The following HMGB1 variants were observed in gnomAD, a reference collection of about 807,000 sequenced individuals.
The protein encoded by HMGB1 is high mobility group protein B1.
For synonymous variants in HMGB1, 81 were observed against 84.0 expected, an observed-to-expected ratio of 0.96 and a Z score of 0.19; for missense variants, 79 against 253.5, an observed-to-expected ratio of 0.31 and a Z score of 4.67.
intron 1 of HMGB1, among the ~76,000 whole-genome samples, chr13:30,583,110 T>C (rs1870977322): frequency 6.6e-6 from 1 of 151,934 alleles, no homozygotes. Context: ...CAAGGGATCC[T>C]CCCACCTCAA....
chr13:30,497,360 G>A (rs1887631540), intron 1 of HMGB1, among the ~76,000 whole-genome samples: 1 of 151,916 alleles, frequency 6.6e-6, no homozygotes, highest in South Asian at 2.1e-4. Context: ...CCGAGTAGCT[G>A]GGATTACAGG....
chr13:30,464,084 G>A (rs55832802), intron 1 of HMGB1: 1 of 985,202 alleles, frequency 1.0e-6, no homozygotes, highest in Non-Finnish European at 1.2e-6. Flanking sequence ...TCGTGGCTTT[G>A]CACTAGATAG....
chr13:30,605,650 CAGA>C (rs1330632811), intron 1 of HMGB1, among the ~76,000 whole-genome samples: 8 of 152,274 alleles, frequency 5.3e-5, no homozygotes, highest in East Asian at 1.9e-4. Flanking sequence ...GAGAGAACAG[CAGA>C]AGAAGGGTAG....
intron 1 of HMGB1, among the ~76,000 whole-genome samples, chr13:30,560,460 T>A (rs1045877496): frequency 6.6e-6 from 1 of 152,214 alleles, no homozygotes; most frequent in Non-Finnish European, 1.5e-5. Flanking sequence ...TACCCCATTA[T>A]AAGCTACTCT....
chr13:30,571,255 T>C (rs925620333), intron 1 of HMGB1, among the ~76,000 whole-genome samples: 2 of 151,600 alleles, frequency 1.3e-5, no homozygotes, highest in Non-Finnish European at 2.9e-5. Flanking sequence ...GTAATATGAG[T>C]GTGAGAAAGT....
At chr13:30,572,573 A>T (rs1870480790) in intron 1 of HMGB1, among the ~76,000 whole-genome samples, 1 of 152,214 alleles carries the variant, frequency 6.6e-6, no homozygotes. Flanking sequence ...ACTTCTTAAG[A>T]CATTTTTCTA....
intron 1 of HMGB1, among the ~76,000 whole-genome samples, chr13:30,567,623 T>G (rs1264141579): frequency 1.3e-5 from 2 of 152,230 alleles, no homozygotes; most frequent in Non-Finnish European, 2.9e-5. Flanking sequence ...GTGCTGGGAT[T>G]GCAGGCATGA....
At chr13:30,536,646 G>A (rs1322420038) in intron 1 of HMGB1, among the ~76,000 whole-genome samples, 2 of 151,984 alleles carry the variant, frequency 1.3e-5, no homozygotes, top group African/African-American at 4.8e-5. Context: ...CACCATGCCC[G>A]GCCTAAAAAT....
At chr13:30,519,531 T>C (rs192852599) in intron 1 of HMGB1, among the ~76,000 whole-genome samples, 5 of 89,652 alleles carry the variant, frequency 5.6e-5, no homozygotes, top group Admixed American at 4.1e-4. Flanking sequence ...CTGTCTCTAC[T>C]AAAAATACAA....
At chr13:30,485,191 C>T (rs1231176470) in intron 1 of HMGB1, among the ~76,000 whole-genome samples, 2 of 151,946 alleles carry the variant, frequency 1.3e-5, no homozygotes, top group Non-Finnish European at 2.9e-5. Flanking sequence ...GCCACCACGC[C>T]CAGTTAATTT....
intron 1 of HMGB1, among the ~76,000 whole-genome samples, chr13:30,502,368 G>T (rs1887752524): frequency 6.6e-6 from 1 of 152,112 alleles, no homozygotes; most frequent in Non-Finnish European, 1.5e-5. Flanking sequence ...ATACAGAAGT[G>T]CACAGATAAA....
chr13:30,505,396 T>C (rs1410593581), intron 1 of HMGB1, among the ~76,000 whole-genome samples: 2 of 152,106 alleles, frequency 1.3e-5, no homozygotes, highest in East Asian at 1.9e-4. Flanking sequence ...GCCAGGATGG[T>C]CTCCATCTCC....
chr13:30,546,855 AG>A (rs986076586), intron 1 of HMGB1, among the ~76,000 whole-genome samples: 1 of 152,212 alleles, frequency 6.6e-6, no homozygotes, highest in African/African-American at 2.4e-5. Context: ...ATCCACCTTT[AG>A]GGGTACCTGA....
At chr13:30,550,911 T>C (rs148791245) in intron 1 of HMGB1, among the ~76,000 whole-genome samples, 78 of 152,314 alleles carry the variant, frequency 5.1e-4, no homozygotes, top group African/African-American at 1.9e-3. Context: ...TCTAAACACA[T>C]CTGATAGATT....
At chr13:30,503,337 C>T (rs1360061349) in intron 1 of HMGB1, among the ~76,000 whole-genome samples, 1 of 151,182 alleles carries the variant, frequency 6.6e-6, no homozygotes, top group Non-Finnish European at 1.5e-5. Flanking sequence ...GAGCAAGACT[C>T]TGTCTCAAAA....
At chr13:30,491,397 C>T (rs995424050) in intron 1 of HMGB1, among the ~76,000 whole-genome samples, 1 of 152,076 alleles carries the variant, frequency 6.6e-6, no homozygotes, top group Admixed American at 6.5e-5. Context: ...AGAAACAAAC[C>T]TTGAGGCTGG....
intron 1 of HMGB1, among the ~76,000 whole-genome samples, chr13:30,573,066 A>G (rs1870501148): frequency 6.6e-6 from 1 of 152,186 alleles, no homozygotes; most frequent in African/African-American, 2.4e-5. Flanking sequence ...GTAGTACTTA[A>G]AGGAATCTAG....
At chr13:30,499,823 C>T (rs1350726015) in intron 1 of HMGB1, among the ~76,000 whole-genome samples, 13 of 152,134 alleles carry the variant, frequency 8.5e-5, no homozygotes, top group Admixed American at 7.9e-4. Flanking sequence ...TTCAATTAAA[C>T]AAAACTAAAC....
intron 1 of HMGB1, among the ~76,000 whole-genome samples, chr13:30,519,461 C>T (rs947738940): frequency 2.0e-5 from 3 of 150,922 alleles, no homozygotes; most frequent in East Asian, 2.0e-4. Flanking sequence ...TTTGGGAGGC[C>T]AAGGTGGGCG....
Sources: allele counts gnomAD v4.1 joint callset (sites outside exome capture counted in the v4.1 genomes callset), GRCh38; gene constraint gnomAD v4.1.1; transcripts MANE v1.5; gene names NCBI Gene and HGNC (gene_info 2026-07-23, HGNC 2026-07-21).